Variants in ZMYM3 observed in about 807,000 individuals in gnomAD.
ZMYM3 encodes the protein zinc finger MYM-type protein 3.
Under a neutral mutation model 94.2 loss-of-function variants are expected in ZMYM3, and 6 were observed. The ratio of observed to expected loss-of-function variants is 0.06; its 90% CI spans 0.03 to 0.13. The LOEUF is 0.13. ZMYM3 is among the 10% of genes least tolerant of loss of function. The probability of loss-of-function intolerance (pLI) is 1.00; values close to 1 mark genes in which losing one functional copy is unlikely to be tolerated. For synonymous variants in ZMYM3, 420 were observed against 426.5 expected (o/e 0.98, Z 0.19); for missense variants, 664 against 1,132.6 (o/e 0.59, Z 5.94).
At position 71,249,545 on chromosome X, in the gene ZMYM3, G is replaced by A. The variant is rs202081383; in HGVS notation, c.1386C>T (p.Thr462=). The A allele has an allele frequency of 3.9e-5, 47 of 1,206,481 alleles. No individual in the cohort carries two copies. In the East Asian group the frequency reaches 4.2e-4, roughly 11 times the overall value. The part of the protein sequence containing the change: ...DQCGAYIYTK[T]GSPGPELLFH... The stretch of plus-strand genomic sequence containing the variant: ...AGAGGAGCTCAGGGCCAGGACTCCC[G>A]GTCTTGGTGTAGATGTAAGCCCCAC... The change falls in exon 7 of 25, where the codon ACC becomes ACT. Residue 462 remains threonine (T), a synonymous_variant. Transcript: ENST00000314425.
At chrX:71,246,176 C>T (rs2030162342) in intron 15 of ZMYM3, 78 bp from the exon 16 acceptor site, 3 of 1,095,133 alleles carry the variant, frequency 2.7e-6, no homozygotes, top group Non-Finnish European at 3.7e-6. Flanking sequence ...CTAACATGCT[C>T]AGTGTCACAA....
chrX:71,246,274 T>G, intron 15 of ZMYM3, 79 bp downstream of exon 15: 1 of 1,167,643 alleles, frequency 8.6e-7, no homozygotes, highest in South Asian at 1.8e-5. Context: ...AGAAATCCCC[T>G]TGTCCAGCTC....
chrX:71,250,105 G>A lies in ZMYM3; in HGVS notation c.1172C>T (p.Ala391Val), dbSNP rs748625716. ...CTGGGGGATCGGGCGCTGCTGCTGGGCCTCATACAGGGAGAGACAGACGGA... is the reference window on the plus strand; with the variant it reads ...CTGGGGGATCGGGCGCTGCTGCTGGACCTCATACAGGGAGAGACAGACGGA... Reference protein sequence around the residue: ...CTSVCLSLYEAQQQRPIPQSG... With the variant: ...CTSVCLSLYEVQQQRPIPQSG... Residue 391 changes from alanine (A) to valine (V), a missense_variant, in exon 6 of 25, where the codon GCC (alanine) becomes GTC (valine). Physicochemically the swap from Ala to Val is moderately conservative, Grantham distance 64. This residue lies in a region of ZMYM3 where 51 missense variants were observed against 53.0 expected (regional missense o/e 0.96). Coordinates refer to ENST00000314425, the MANE Select transcript of ZMYM3 (RefSeq NM_201599.3). 2.5e-6 allele frequency: 3 copies of A among 1,208,667 alleles called. No individual in the cohort carries two copies. Among genetic ancestry groups the A allele is most frequent in the South Asian group, 1.8e-5 (1 of 56,221 alleles).
rs775950135 is a variant in ZMYM3 at position 71,244,496 on chromosome X, A to G, written c.3112-26T>C. The stretch of plus-strand genomic sequence containing the variant: ...CTGGAGGGGAAGAGAAAGCAGGGGC[A>G]TGGCAGAGGTAAGGCCAGAGGCAAG... On this transcript the variant is annotated intron_variant, in intron 19 of 24. Coordinates refer to ENST00000314425, the MANE Select transcript of ZMYM3 (RefSeq NM_201599.3). The G allele has an allele frequency of 4.2e-6, 5 of 1,203,397 alleles. No individual in the cohort carries two copies. The South Asian group carries it at 9.0e-5, about 22-fold the overall frequency.
chrX:71,253,111 CA>C lies in ZMYM3; in HGVS notation c.144del (p.Gly49AlafsTer64). The C allele has an allele frequency of 8.3e-7, 1 of 1,203,824 alleles. No individual in the cohort carries two copies. The highest frequency in any genetic ancestry group is 1.1e-6 in the Non-Finnish European group (1 of 891,466). Reference protein sequence around the residue: ...QTAPTRGWAPPGPSPSSGALD... With the variant: ...QTAPTRGWAPXGPSPSSGALD... ...AGGGCTCCCGAGGATGGAGAAGGGC[CA>C]GGGGGGGCCCATCCTCGAGTTGGGG... On this transcript the variant is annotated frameshift_variant, in exon 2 of 25. Transcript: ENST00000314425. LOFTEE classifies it high-confidence loss of function.
chrX:71,251,553 C>A lies in ZMYM3; in HGVS notation c.711+5G>T. The A allele has an allele frequency of 8.4e-7, 1 of 1,190,261 alleles. No homozygotes were observed. Among genetic ancestry groups the A allele is most frequent in the Non-Finnish European group, 1.1e-6 (1 of 884,722 alleles). On this transcript the variant is annotated splice_donor_5th_base_variant and intron_variant, in intron 3 of 24. Transcript: ENST00000314425. The stretch of plus-strand genomic sequence containing the variant: ...CCAGACTCCTTCCAATCCCCTCCCC[C>A]TCACCCGTTCAGGCGGCTTCTCACT...
intron 22 of ZMYM3, 80 bp from the exon 23 acceptor site, chrX:71,242,504 C>T: frequency 2.7e-6 from 3 of 1,125,100 alleles, no homozygotes; most frequent in African/African-American, 1.8e-5. Flanking sequence ...ATGTGCCCTG[C>T]TCATTTCCCA....
At chrX:71,255,111 T>TCC, upstream of ZMYM3, 1 of 78,820 alleles carries the variant, frequency 1.3e-5, no homozygotes, top group Non-Finnish European at 2.4e-5. Flanking sequence ...TCTCTCTCTC[T>TCC]CTCTCTCTCT....
At position 71,248,513 on chromosome X, in the gene ZMYM3, A is replaced by G; in HGVS notation, c.1749T>C (p.Pro583=). The change falls in exon 10 of 25, where the codon CCT becomes CCC. Residue 583 remains proline (P), a synonymous_variant. Transcript: ENST00000314425. ...SCWTKFQRTS[P]EGGIHLSCHY... is the part of the protein sequence containing the mutation. ...GACAGCTCAGGTGAATGCCCCCCTC[A>G]GGGCTTGTGCGCTGGAGGGAAGGAA... 2 of 1,210,656 alleles carry G rather than the reference A, an allele frequency of 1.7e-6. No homozygotes were observed. The highest frequency in any genetic ancestry group is 2.2e-6 in the Non-Finnish European group (2 of 894,802).
At position 71,250,737 on chromosome X, in the gene ZMYM3, G is replaced by T. The variant is rs891441393; in HGVS notation, c.779-11C>A. ...CATCTGACACTGGAACTGAGAAAGT[G>T]GGGGGATGGACATGAGAAAGGCCAC... On this transcript the variant is annotated splice_polypyrimidine_tract_variant and intron_variant, in intron 4 of 24. Transcript: ENST00000314425. The T allele has an allele frequency of 2.1e-5, 25 of 1,175,993 alleles. No homozygotes were observed. Among genetic ancestry groups the T allele is most frequent in the African/African-American group, 3.5e-5 (2 of 56,450 alleles).
At chrX:71,249,794 AC>A (rs781659423) in intron 6 of ZMYM3, 115 bp from the exon 7 acceptor site, 2 of 1,102,590 alleles carry the variant, frequency 1.8e-6, no homozygotes, top group East Asian at 3.3e-5. Context: ...GGGCCCAGGG[AC>A]CCCCCAACCT....
chrX:71,249,478 A>G lies in ZMYM3; in HGVS notation c.1453T>C (p.Leu485=), dbSNP rs1323865380. ...QQKRFCNTTC[L]GAYKKKNTRV... ...GGCCCCACCTTCTTGTACGCCCCCA[A>G]GCAGGTTGTGTTGCAGAACCGCTTT... Residue 485 remains leucine, a synonymous_variant, in exon 7 of 25, where the codon TTG becomes CTG. Coordinates refer to ENST00000314425, the MANE Select transcript of ZMYM3 (RefSeq NM_201599.3). The G allele has an allele frequency of 1.7e-6, 2 of 1,194,946 alleles. No individual in the cohort carries two copies. The highest frequency in any genetic ancestry group is 1.1e-6 in the Non-Finnish European group (1 of 886,676).
In ZMYM3 at chrX:71,241,439, C is replaced by T. The variant is rs760357106; in HGVS notation, c.3803-95G>A. 206 of 653,017 alleles carry T rather than the reference C, an allele frequency of 3.2e-4. 1 individual carries two copies. The East Asian group carries it at 6.6e-3, about 21-fold the overall frequency. The allele number at this position is 653,017 out of a possible 1,213,427, so 53.8% of individuals were successfully genotyped here. A position where few individuals can be genotyped will look rare whatever the true frequency, so the allele number is the denominator to read the frequency against. On this transcript the variant is annotated intron_variant, in intron 23 of 24. Coordinates refer to ENST00000314425, the MANE Select transcript of ZMYM3 (RefSeq NM_201599.3). ...TTCAGGGCACAGGGAGAAGGCGTCA[C>T]GACACAAATTACAGTCTCATCAAGA...
chrX:71,250,303 TCTGA>T, intron 5 of ZMYM3, 100 bp from the exon 6 acceptor site: 1 of 1,086,770 alleles, frequency 9.2e-7, no homozygotes, highest in East Asian at 3.3e-5. Flanking sequence ...AGCCAAATAC[TCTGA>T]CTCTCTCCCT....
At chrX:71,241,546 C>T (rs2029948778) in intron 23 of ZMYM3, among the ~76,000 whole-genome samples, 1 of 111,235 alleles carries the variant, frequency 9.0e-6, no homozygotes, top group Non-Finnish European at 1.9e-5. Flanking sequence ...CAACCCTCCC[C>T]AGTTCCCACT....
intron 5 of ZMYM3, 60 bp downstream of exon 5, chrX:71,250,372 C>G: frequency 8.8e-7 from 1 of 1,136,262 alleles, no homozygotes; most frequent in African/African-American, 1.8e-5. Flanking sequence ...CAGTCTCTGT[C>G]TTACTCATAC....
In ZMYM3 at chrX:71,240,720, A is replaced by T; in HGVS notation, c.*196T>A. Reference sequence around the variant, plus strand: ...GACCAGCCCCTGAGTACAGAAGACCAGGGCCCCATGGTTGTCAAGTGGTAC... The same window carrying T: ...GACCAGCCCCTGAGTACAGAAGACCTGGGCCCCATGGTTGTCAAGTGGTAC... On this transcript the variant is annotated 3_prime_UTR_variant, in exon 25 of 25. Transcript: ENST00000314425. The T allele has an allele frequency of 2.4e-6, 1 of 422,813 alleles. No homozygotes were observed. Among genetic ancestry groups the T allele is most frequent in the South Asian group, 4.9e-5 (1 of 20,215 alleles). The allele number at this position is 422,813 out of a possible 1,213,427, so 34.8% of individuals were successfully genotyped here.
chrX:71,249,006 G>A lies in ZMYM3; in HGVS notation c.1621+13C>T. 8.3e-7 allele frequency: 1 copy of A among 1,211,061 alleles called. No homozygotes were observed. Among genetic ancestry groups the A allele is most frequent in the Non-Finnish European group, 1.1e-6 (1 of 895,239 alleles). Reference sequence around the variant, plus strand: ...GCCAGCAGGGGACTCAGAGAAGAGGGCTTTGCACCTACCAGTGAGCCCTGC... The same window carrying A: ...GCCAGCAGGGGACTCAGAGAAGAGGACTTTGCACCTACCAGTGAGCCCTGC... On this transcript the variant is annotated intron_variant, in intron 8 of 24. Coordinates refer to ENST00000314425, the MANE Select transcript of ZMYM3 (RefSeq NM_201599.3).
chrX:71,250,799 C>G (rs777747547), intron 4 of ZMYM3, 73 bp from the exon 5 acceptor site: 2 of 1,002,897 alleles, frequency 2.0e-6, no homozygotes, highest in East Asian at 6.7e-5. Flanking sequence ...ACCAACAGTT[C>G]AGTCCCTCTC....
Sources: gnomAD v4.1 joint callset for allele counts (sites outside exome capture counted in the v4.1 genomes callset) on GRCh38, gnomAD v4.1.1 for gene constraint, gnomAD v4.1.1 regional missense constraint, MANE v1.5 for transcripts, NCBI Gene and HGNC (gene_info 2026-07-23, HGNC 2026-07-21) for gene names.